The following SNX29 variants were observed in gnomAD, a reference collection of about 807,000 sequenced individuals.
The protein encoded by SNX29 is sorting nexin 29.
Under a neutral mutation model 102.1 loss-of-function variants are expected in SNX29, and 78 were observed. The observed-to-expected ratio is 0.76, with a 90% CI of 0.64 to 0.92. SNX29 has a LOEUF of 0.92. Ranked by LOEUF, SNX29 falls within the 40% of genes least tolerant of loss-of-function variation. SNX29 has a pLI of 0.00. For synonymous variants in SNX29, 580 were observed against 414.5 expected (o/e 1.40, Z -4.85); for missense variants, 1,280 against 1,061.7 (o/e 1.21, Z -2.86).
chr16:12,392,652 G>T (rs1055501332), intron 16 of SNX29, among the ~76,000 whole-genome samples: 1 of 152,210 alleles, frequency 6.6e-6, no homozygotes, highest in East Asian at 1.9e-4. Context: ...TGAGGTTTCA[G>T]TGCTGCCCAG....
At chr16:12,272,097 A>C (rs1160388435) in intron 14 of SNX29, among the ~76,000 whole-genome samples, 1 of 152,140 alleles carries the variant, frequency 6.6e-6, no homozygotes, top group Non-Finnish European at 1.5e-5. Flanking sequence ...TTGCTGAGAG[A>C]ACTTATGTAA....
chr16:12,273,267 C>T (rs1389327257), intron 14 of SNX29, among the ~76,000 whole-genome samples: 1 of 151,962 alleles, frequency 6.6e-6, no homozygotes, highest in Non-Finnish European at 1.5e-5. Context: ...TAACAGCTTT[C>T]TTGAGATATA....
chr16:12,275,016 T>C (rs1186145507), intron 14 of SNX29, among the ~76,000 whole-genome samples: 1 of 152,232 alleles, frequency 6.6e-6, no homozygotes, highest in Non-Finnish European at 1.5e-5. Context: ...GCAAGTTGCT[T>C]TTCTCTGTTT....
At chr16:12,555,804 C>T (rs959156424) in intron 20 of SNX29, among the ~76,000 whole-genome samples, 2 of 152,228 alleles carry the variant, frequency 1.3e-5, no homozygotes, top group African/African-American at 4.8e-5. Flanking sequence ...CTCCTGCCTG[C>T]CTCTGCAAGA....
At chr16:12,136,888 C>T (rs999399111) in intron 13 of SNX29, among the ~76,000 whole-genome samples, 6 of 152,070 alleles carry the variant, frequency 3.9e-5, no homozygotes, top group Non-Finnish European at 7.4e-5. Flanking sequence ...TACAGGTGCC[C>T]GCCATCACGC....
chr16:12,137,966 C>T (rs78008098), intron 13 of SNX29, among the ~76,000 whole-genome samples: 29,840 of 152,078 alleles, frequency 0.2, 3,376 homozygotes, highest in Middle Eastern at 0.28. Context: ...CTCTGGTAGT[C>T]GCTGCCTGGG....
chr16:12,537,869 C>T (rs922715414), intron 20 of SNX29, among the ~76,000 whole-genome samples: 3 of 151,926 alleles, frequency 2.0e-5, no homozygotes, highest in Non-Finnish European at 2.9e-5. Context: ...CTTATAGTCC[C>T]AGCTTTTTGG....
chr16:12,563,951 A>C lies in SNX29; in HGVS notation c.2319-4555A>C, dbSNP rs540297184. ...ACCTAGACGCTGATCTTGTTCAAGA[A>C]AGACGAGGAAGGGCTTTTCAGATAA... On this transcript the variant is annotated intron_variant, in intron 20 of 20. Coordinates refer to ENST00000566228, the MANE Select transcript of SNX29 (RefSeq NM_032167.5). Among the ~76,000 whole-genome samples, 170 of 152,090 alleles carry C rather than the reference A, an allele frequency of 1.1e-3. 4 individuals carry two copies. Among genetic ancestry groups the C allele is most frequent in the Middle Eastern group, 0.01 (3 of 294 alleles).
intron 14 of SNX29, among the ~76,000 whole-genome samples, chr16:12,248,831 T>A (rs951162768): frequency 6.6e-6 from 1 of 152,026 alleles, no homozygotes; most frequent in Non-Finnish European, 1.5e-5. Context: ...AATGCATTCA[T>A]CTTTTGGTCT....
At chr16:12,174,869 T>C (rs1222400898) in intron 13 of SNX29, among the ~76,000 whole-genome samples, 3 of 152,194 alleles carry the variant, frequency 2.0e-5, no homozygotes, top group African/African-American at 7.2e-5. Flanking sequence ...TTTGGCATTT[T>C]TGCTCTTTGG....
rs757251533 is a variant in SNX29 at position 12,529,486 on chromosome 16, G to A, written c.2318+4645G>A. On this transcript the variant is annotated intron_variant, in intron 20 of 20. Transcript: ENST00000566228. The stretch of plus-strand genomic sequence containing the variant: ...TCGGTGACAGCTTCAGTGATTTGCC[G>A]TGCTGTCATTTAGCGCATTATTAAA... Among the ~76,000 whole-genome samples the A allele has an allele frequency of 8.5e-5, 13 of 152,262 alleles. No homozygotes were observed. In the South Asian group the frequency reaches 1.2e-3, roughly 15 times the overall value.
chr16:12,428,209 C>G (rs2085161216), intron 18 of SNX29, among the ~76,000 whole-genome samples: 1 of 152,078 alleles, frequency 6.6e-6, no homozygotes, highest in South Asian at 2.1e-4. Flanking sequence ...GTAATCAAAA[C>G]AGGGCTTTAA....
chr16:12,104,381 C>T (rs1232956950), intron 11 of SNX29, among the ~76,000 whole-genome samples: 1 of 152,050 alleles, frequency 6.6e-6, no homozygotes. Flanking sequence ...CTTGGTGAAA[C>T]CCCATCTCTA....
At chr16:12,551,069 C>T (rs963494825) in intron 20 of SNX29, among the ~76,000 whole-genome samples, 23 of 152,208 alleles carry the variant, frequency 1.5e-4, no homozygotes, top group African/African-American at 5.1e-4. Flanking sequence ...GGGGTGTTTT[C>T]ATCTCCATGT....
chr16:12,534,883 A>T (rs2077030830), intron 20 of SNX29, among the ~76,000 whole-genome samples: 1 of 152,158 alleles, frequency 6.6e-6, no homozygotes, highest in Non-Finnish European at 1.5e-5. Context: ...GTGCCACGAG[A>T]ATCTAGTGGG....
At chr16:12,554,796 T>C (rs1324591783) in intron 20 of SNX29, among the ~76,000 whole-genome samples, 1 of 152,174 alleles carries the variant, frequency 6.6e-6, no homozygotes, top group Middle Eastern at 3.2e-3. Flanking sequence ...AATTGTTTAT[T>C]CTAGAAATTT....
intron 11 of SNX29, among the ~76,000 whole-genome samples, chr16:12,091,228 A>G (rs1194365925): frequency 1.3e-5 from 2 of 152,048 alleles, no homozygotes; most frequent in African/African-American, 2.4e-5. Flanking sequence ...TCATACTGCT[A>G]TTGGGTGGTG....
At chr16:12,537,491 G>A (rs2077128490) in intron 20 of SNX29, among the ~76,000 whole-genome samples, 2 of 152,310 alleles carry the variant, frequency 1.3e-5, no homozygotes, top group South Asian at 4.1e-4. Context: ...TGGTGATAGT[G>A]GCAGAGATTT....
At chr16:12,322,978 G>T (rs1338427746) in intron 15 of SNX29, among the ~76,000 whole-genome samples, 1 of 83,116 alleles carries the variant, frequency 1.2e-5, no homozygotes, top group Admixed American at 1.1e-4. Flanking sequence ...GTCAGGATGC[G>T]GTCACTGGAG....
Sources: gnomAD v4.1 joint callset for allele counts (sites outside exome capture counted in the v4.1 genomes callset) on GRCh38, gnomAD v4.1.1 for gene constraint, MANE v1.5 for transcripts, NCBI Gene and HGNC (gene_info 2026-07-23, HGNC 2026-07-21) for gene names.